The following XKR4 variants were observed in gnomAD, a reference collection of about 807,000 sequenced individuals.
The protein encoded by XKR4 is XK-related protein 4.
Under a neutral mutation model 53.9 loss-of-function variants are expected in XKR4, and 12 were observed. The observed-to-expected ratio is 0.22, with a 90% CI of 0.14 to 0.36. The LOEUF is 0.36. XKR4 is among the 10% of genes least tolerant of loss of function. XKR4 has a pLI of 1.00. For missense variants in XKR4, 799 were observed against 859.5 expected (o/e 0.93, Z 0.88); for synonymous variants, 354 against 362.4 (o/e 0.98, Z 0.26).
chr8:55,365,886 C>T (rs866824667), intron 2 of XKR4, among the ~76,000 whole-genome samples: 2 of 152,276 alleles, frequency 1.3e-5, no homozygotes, highest in Non-Finnish European at 2.9e-5. Context: ...GGGAAGGGTA[C>T]TGCCTGAGGA....
chr8:55,409,928 G>C (rs541775728), intron 2 of XKR4, among the ~76,000 whole-genome samples: 1 of 152,268 alleles, frequency 6.6e-6, no homozygotes, highest in East Asian at 1.9e-4. Flanking sequence ...CAGCCTTTCT[G>C]CCTTTAATCT....
At position 55,528,394 on chromosome 8, in the gene XKR4, C is replaced by T. The variant is rs1377293600; in HGVS notation, c.*4167C>T. 2 of 152,222 alleles carry T rather than the reference C, an allele frequency of 1.3e-5. No homozygotes were observed. Among genetic ancestry groups the T allele is most frequent in the Admixed American group, 6.5e-5 (1 of 15,274 alleles). The allele number at this position is 152,222 out of a possible 1,614,324, so 9.4% of individuals were successfully genotyped here. On this transcript the variant is annotated 3_prime_UTR_variant, in exon 3 of 3. Coordinates refer to ENST00000327381, the MANE Select transcript of XKR4 (RefSeq NM_052898.2). ...CTTACCAGGATTGTGTAAGGTTACACATTTGCTTTTAAATATACCAAATGC... is the reference window on the plus strand; with the variant it reads ...CTTACCAGGATTGTGTAAGGTTACATATTTGCTTTTAAATATACCAAATGC...
rs111560062 is a variant in XKR4, at chr8:55,355,873, T to C, written c.807-1805T>C. 9.0e-3 allele frequency among the ~76,000 whole-genome samples: 1,378 copies of C among 152,326 alleles called. 10 individuals carry two copies. The highest frequency in any genetic ancestry group is 0.014 in the Non-Finnish European group (984 of 68,008). ...TCTCTGCTATCCTTCGCTCTTGGCA[T>C]CTGAGAATCTTTGCACTAGGTAAAT... On this transcript the variant is annotated intron_variant, in intron 1 of 2. Transcript: ENST00000327381.
At chr8:55,450,923 C>T (rs1322969603) in intron 2 of XKR4, 5 of 487,158 alleles carry the variant, frequency 1.0e-5, no homozygotes, top group Non-Finnish European at 1.9e-5. Flanking sequence ...GAATCAGCCA[C>T]TCTGAGTCCT....
intron 1 of XKR4, among the ~76,000 whole-genome samples, chr8:55,283,289 A>G (rs2129374180): frequency 6.6e-6 from 1 of 152,290 alleles, no homozygotes; most frequent in Non-Finnish European, 1.5e-5. Context: ...TGACAGCTGG[A>G]TGACTTGAAG....
At chr8:55,461,891 G>T (rs988842410) in intron 2 of XKR4, among the ~76,000 whole-genome samples, 1 of 152,172 alleles carries the variant, frequency 6.6e-6, no homozygotes, top group Non-Finnish European at 1.5e-5. Context: ...AAGATGAAAT[G>T]AATGATATGA....
chr8:55,482,748 G>T (rs1260726168), intron 2 of XKR4, among the ~76,000 whole-genome samples: 3 of 152,036 alleles, frequency 2.0e-5, no homozygotes, highest in Non-Finnish European at 2.9e-5. Flanking sequence ...AAATGGAATT[G>T]TTTGCATGAA....
chr8:55,440,516 A>G (rs1423688828), intron 2 of XKR4, among the ~76,000 whole-genome samples: 5 of 152,138 alleles, frequency 3.3e-5, no homozygotes, highest in Admixed American at 2.6e-4. Context: ...TCTGATTTAG[A>G]CCTTAGGTTA....
intron 1 of XKR4, among the ~76,000 whole-genome samples, chr8:55,302,795 T>C (rs1390526021): frequency 6.6e-6 from 1 of 152,198 alleles, no homozygotes; most frequent in East Asian, 1.9e-4. Context: ...TGGCTCTCTG[T>C]TTGTCTGTTA....
intron 1 of XKR4, among the ~76,000 whole-genome samples, chr8:55,157,851 A>ATC (rs201733165): frequency 1.3e-5 from 2 of 151,994 alleles, no homozygotes; most frequent in Non-Finnish European, 2.9e-5. Flanking sequence ...AAAGGACATG[A>ATC]TCTCTCTCTC....
chr8:55,188,632 T>C (rs1363663113), intron 1 of XKR4, among the ~76,000 whole-genome samples: 1 of 152,202 alleles, frequency 6.6e-6, no homozygotes, highest in Non-Finnish European at 1.5e-5. Context: ...TTGATACCTA[T>C]ACAAGAGTAA....
Position 55,158,709 on chromosome 8 carries a change from C to T in XKR4, c.806+55415C>T, listed in dbSNP as rs142995040. Among the ~76,000 whole-genome samples the T allele has an allele frequency of 2.2e-3, 330 of 152,286 alleles. 1 individual carries two copies. The highest frequency in any genetic ancestry group is 4.1e-3 in the Non-Finnish European group (282 of 68,004). On this transcript the variant is annotated intron_variant, in intron 1 of 2. Coordinates refer to ENST00000327381, the MANE Select transcript of XKR4 (RefSeq NM_052898.2). ...AAGGAAGGGGTTCCGTTTCAATCTT[C>T]GGCATATGGCTAGCCAGTTATTCCA...
chr8:55,358,626 G>C (rs985143469), intron 2 of XKR4, among the ~76,000 whole-genome samples: 3 of 152,224 alleles, frequency 2.0e-5, no homozygotes, highest in Non-Finnish European at 2.9e-5. Flanking sequence ...TGGTGGGTAA[G>C]CAGGTGAATA....
At chr8:55,122,135 G>C (rs1585889707) in intron 1 of XKR4, among the ~76,000 whole-genome samples, 1 of 152,078 alleles carries the variant, frequency 6.6e-6, no homozygotes, top group East Asian at 1.9e-4. Flanking sequence ...ATCCTCATTT[G>C]TTTGACTAAA....
At chr8:55,467,954 T>C (rs898133903) in intron 2 of XKR4, among the ~76,000 whole-genome samples, 1 of 152,198 alleles carries the variant, frequency 6.6e-6, no homozygotes, top group Non-Finnish European at 1.5e-5. Context: ...CAGAGACTTA[T>C]GCCATGTAAA....
At chr8:55,424,095 C>T (rs1804974564) in intron 2 of XKR4, among the ~76,000 whole-genome samples, 1 of 152,216 alleles carries the variant, frequency 6.6e-6, no homozygotes, top group Admixed American at 6.5e-5. Flanking sequence ...ATGCAACTGA[C>T]TGGCAATTAA....
At chr8:55,401,961 ATAACT>A (rs1475605393) in intron 2 of XKR4, among the ~76,000 whole-genome samples, 38 of 152,340 alleles carry the variant, frequency 2.5e-4, no homozygotes, top group Admixed American at 2.2e-3. Flanking sequence ...TTTATGTAAA[ATAACT>A]TGACTATTGA....
chr8:55,321,061 TGTGCCCTGATAGAA>T (rs1803204936), intron 1 of XKR4, among the ~76,000 whole-genome samples: 1 of 152,150 alleles, frequency 6.6e-6, no homozygotes, highest in Admixed American at 6.5e-5. Flanking sequence ...TTGCCTCTCT[TGTGCCCTGATAGAA>T]ACGAGGAGGT....
chr8:55,164,162 A>G (rs1267921880), intron 1 of XKR4: 1 of 456,414 alleles, frequency 2.2e-6, no homozygotes, highest in Non-Finnish European at 4.4e-6. Flanking sequence ...TCCAAGCGCC[A>G]CTGGCCTGGC....
Sources: allele counts gnomAD v4.1 joint callset (sites outside exome capture counted in the v4.1 genomes callset), GRCh38; gene constraint gnomAD v4.1.1; transcripts MANE v1.5; gene names NCBI Gene and HGNC (gene_info 2026-07-23, HGNC 2026-07-21).